LYST: variants seen among roughly 807,000 people sequenced by gnomAD.
LYST encodes the protein lysosomal trafficking regulator.
LYST carries 192 observed loss-of-function variants against 413.6 expected under a neutral mutation model. The observed-to-expected ratio is 0.46, with a 90% CI of 0.41 to 0.52. The LOEUF is 0.52. LYST is among the 20% of genes least tolerant of loss of function. LYST has a pLI of 0.00. For missense variants in LYST, 3,815 were observed against 4,499.9 expected (o/e 0.85, Z 4.35); for synonymous variants, 1,525 against 1,567.3 (o/e 0.97, Z 0.64).
In LYST at chr1:235,788,684, C is replaced by T. The variant is rs2103511045; in HGVS notation, c.4688+17G>A. ...AAATACATTATCTATTCATGGGAGG[C>T]TGAGGATAATCAATACCGAAAGATA... On this transcript the variant is annotated intron_variant, in intron 13 of 52. Coordinates refer to ENST00000389793, the MANE Select transcript of LYST (RefSeq NM_000081.4). 6.2e-7 allele frequency: 1 copy of T among 1,611,496 alleles called. No homozygotes were observed. Among genetic ancestry groups the T allele is most frequent in the Non-Finnish European group, 8.5e-7 (1 of 1,177,906 alleles).
At chr1:235,715,650 T>C (rs1454298731) in intron 41 of LYST, among the ~76,000 whole-genome samples, 1 of 152,112 alleles carries the variant, frequency 6.6e-6, no homozygotes, top group African/African-American at 2.4e-5. Context: ...TCCTAACTAA[T>C]GGCTCATAAT....
At chr1:235,823,302 G>C (rs1674976156) in intron 3 of LYST, among the ~76,000 whole-genome samples, 1 of 152,138 alleles carries the variant, frequency 6.6e-6, no homozygotes, top group Non-Finnish European at 1.5e-5. Flanking sequence ...TCTCATTCCT[G>C]TCAGACCAAT....
intron 16 of LYST, among the ~76,000 whole-genome samples, chr1:235,778,121 A>ATATATATATATATATATT (rs1039912155): frequency 1.4e-5 from 2 of 145,260 alleles, no homozygotes; most frequent in African/African-American, 5.3e-5. Context: ...ATATATATAT[A>ATATATATATATATATATT]TTTTTGTAGA....
intron 45 of LYST, among the ~76,000 whole-genome samples, chr1:235,700,009 TG>T (rs1231063792): frequency 6.6e-6 from 1 of 152,152 alleles, no homozygotes; most frequent in Non-Finnish European, 1.5e-5. Context: ...ATTTAATAAG[TG>T]GTGCTGGGAA....
intron 42 of LYST, chr1:235,712,860 T>C (rs1662516178): frequency 1.0e-6 from 1 of 985,272 alleles, no homozygotes; most frequent in South Asian, 4.7e-5. Context: ...GTTTGGACTC[T>C]CTTTTCTGCC....
intron 50 of LYST, among the ~76,000 whole-genome samples, chr1:235,670,781 C>G (rs966805078): frequency 4.6e-5 from 7 of 152,154 alleles, no homozygotes; most frequent in Non-Finnish European, 1.0e-4. Context: ...GTGCAAGAAA[C>G]CTCCAGTGGG....
rs1669085294 is a variant in LYST, at chr1:235,774,989, T to C, written c.5558A>G (p.Glu1853Gly). ...AATCATAGAAAGTCCATTACAATTT[T>C]CTAATTCATGTACTCTTTGTTGGTT... ...KYNQQRVHEL[E>G]NCNGLSMIHQ... Residue 1853 changes from glutamate to glycine, a missense_variant, in exon 18 of 53, where the codon GAA (glutamate) becomes GGA (glycine). By Grantham distance (98) the Glu-to-Gly change is moderately conservative. Around this residue, in one of 4 missense-constraint regions of LYST, gnomAD observed 530 missense variants for 696.5 expected, o/e 0.76. Coordinates refer to ENST00000389793, the MANE Select transcript of LYST (RefSeq NM_000081.4). 6.2e-7 allele frequency: 1 copy of C among 1,610,184 alleles called. No individual in the cohort carries two copies. The highest frequency in any genetic ancestry group is 8.5e-7 in the Non-Finnish European group (1 of 1,177,444).
chr1:235,821,945 A>G (rs1284663926), intron 3 of LYST, among the ~76,000 whole-genome samples: 7 of 152,212 alleles, frequency 4.6e-5, no homozygotes, highest in Admixed American at 2.6e-4. Flanking sequence ...AAGTACTACT[A>G]GGAATCTTCA....
At position 235,751,086 on chromosome 1, in the gene LYST, G is replaced by A. The variant is rs530010604; in HGVS notation, c.7780+124C>T. 2.8e-5 allele frequency: 27 copies of A among 978,174 alleles called. No homozygotes were observed. In the African/African-American group the frequency reaches 4.4e-4, roughly 16 times the overall value. 60.6% of individuals were successfully genotyped at this position (978,174 alleles called of 1,614,324 possible). ...TAAGGAGCAGAATAGTTTCCTTCAG[G>A]AAAAAATCTTTCTTAAATTTTATGT... On this transcript the variant is annotated intron_variant, in intron 28 of 52. Transcript: ENST00000389793.
At chr1:235,852,786 T>C (rs1454929630) in intron 1 of LYST, among the ~76,000 whole-genome samples, 2 of 152,086 alleles carry the variant, frequency 1.3e-5, no homozygotes, top group Non-Finnish European at 2.9e-5. Context: ...TTAATGACCA[T>C]ATCACCTCCC....
intron 30 of LYST, among the ~76,000 whole-genome samples, chr1:235,742,411 G>T (rs1394994549): frequency 6.6e-6 from 1 of 151,240 alleles, no homozygotes; most frequent in Non-Finnish European, 1.5e-5. Flanking sequence ...GTTGAGACTG[G>T]GCCACTGCAC....
intron 1 of LYST, among the ~76,000 whole-genome samples, chr1:235,876,660 G>A (rs1231903598): frequency 2.0e-5 from 3 of 152,158 alleles, no homozygotes; most frequent in African/African-American, 7.2e-5. Context: ...CCTATGATGT[G>A]ACATCCTGTT....
chr1:235,810,204 A>T lies in LYST; in HGVS notation c.614T>A (p.Leu205His). 1 of 1,614,098 alleles carries T rather than the reference A, an allele frequency of 6.2e-7. No individual in the cohort carries two copies. Among genetic ancestry groups the T allele is most frequent in the East Asian group, 2.2e-5 (1 of 44,882 alleles). ...CTGTTCTTTGGTTGCTAAGCGGTCA[A>T]GTTTAGCTTTGGGGTGGTCTTGTTT... Reference protein sequence around the residue: ...FPKQDHPKAKLDRLATKEQTP... With the variant: ...FPKQDHPKAKHDRLATKEQTP... The change falls in exon 5 of 53, where the codon CTT (leucine) becomes CAT (histidine). Residue 205 changes from leucine (L) to histidine (H), a missense_variant. By Grantham distance (99) the Leu-to-His change is moderately conservative. Coordinates refer to ENST00000389793, the MANE Select transcript of LYST (RefSeq NM_000081.4).
At chr1:235,760,720 A>G (rs545204343) in intron 22 of LYST, among the ~76,000 whole-genome samples, 36 of 152,328 alleles carry the variant, frequency 2.4e-4, no homozygotes, top group Non-Finnish European at 4.3e-4. Context: ...TGAGACCATG[A>G]ACACAGAGTA....
Position 235,662,572 on chromosome 1 carries a change from A to C in LYST, c.*368T>G, listed in dbSNP as rs1658118826. ...TTTAGTGTGTTTTATATAAACAATC[A>C]ACCAACCAATTTAAATTCTACTGGT... On this transcript the variant is annotated 3_prime_UTR_variant, in exon 53 of 53. Transcript: ENST00000389793. 3 of 310,304 alleles carry C rather than the reference A, an allele frequency of 9.7e-6. No homozygotes were observed. The highest frequency in any genetic ancestry group is 9.1e-5 in the South Asian group (3 of 33,072). The allele number at this position is 310,304 out of a possible 1,614,324, so 19.2% of individuals were successfully genotyped here.
At chr1:235,752,384 G>T (rs914437366) in intron 26 of LYST, among the ~76,000 whole-genome samples, 37 of 152,094 alleles carry the variant, frequency 2.4e-4, no homozygotes, top group Admixed American at 3.9e-4. Flanking sequence ...TTTGACACCT[G>T]TCAGAAATAC....
chr1:235,835,100 TG>T (rs112045100), intron 1 of LYST, among the ~76,000 whole-genome samples: 6 of 146,536 alleles, frequency 4.1e-5, no homozygotes, highest in Admixed American at 6.7e-5. Context: ...GTATTTTTAA[TG>T]GGGGGGGGTT....
At chr1:235,837,230 G>C (rs1371131083) in intron 1 of LYST, among the ~76,000 whole-genome samples, 1 of 152,134 alleles carries the variant, frequency 6.6e-6, no homozygotes, top group African/African-American at 2.4e-5. Flanking sequence ...AGACTGAGAA[G>C]GAACAGCAAG....
intron 29 of LYST, 51 bp from the exon 30 acceptor site, chr1:235,744,208 C>T: frequency 1.0e-6 from 1 of 979,968 alleles, no homozygotes. Flanking sequence ...TGCTATCTTG[C>T]CATTATAAAT....
Sources: gnomAD v4.1 joint callset for allele counts (sites outside exome capture counted in the v4.1 genomes callset) on GRCh38, gnomAD v4.1.1 for gene constraint, gnomAD v4.1.1 regional missense constraint, MANE v1.5 for transcripts, NCBI Gene and HGNC (gene_info 2026-07-23, HGNC 2026-07-21) for gene names.